Variants in TSPEAR observed in about 807,000 individuals in gnomAD.
TSPEAR encodes thrombospondin type laminin G domain and EAR repeats.
In TSPEAR, 69 loss-of-function variants were observed where a neutral mutation model predicts 71.6. The observed-to-expected ratio is 0.96, with a 90% CI of 0.79 to 1.18. The LOEUF is 1.18. Ranked by LOEUF, TSPEAR falls within the 50% of genes most tolerant of loss-of-function variation. The pLI, the probability that TSPEAR is intolerant of heterozygous loss-of-function variation, is 0.00. For synonymous variants in TSPEAR, 402 were observed against 387.2 expected (o/e 1.04, Z -0.45); for missense variants, 971 against 894.9 (o/e 1.09, Z -1.09).
intron 11 of TSPEAR, among the ~76,000 whole-genome samples, chr21:44,503,024 T>G (rs587714767): frequency 1.6e-5 from 2 of 126,058 alleles, no homozygotes; most frequent in East Asian, 4.9e-4. Context: ...CCGGCCTCGG[T>G]GAGCCCTCGG....
At chr21:44,679,399 G>C (rs1314562317) in intron 1 of TSPEAR, among the ~76,000 whole-genome samples, 3 of 152,152 alleles carry the variant, frequency 2.0e-5, no homozygotes, top group African/African-American at 7.2e-5. Context: ...AATTGAAGAA[G>C]ACACAAACAA....
intron 2 of TSPEAR, among the ~76,000 whole-genome samples, chr21:44,536,344 T>A (rs1259427849): frequency 6.6e-6 from 1 of 152,236 alleles, no homozygotes; most frequent in Non-Finnish European, 1.5e-5. Context: ...ATCTTGCCAT[T>A]AAGTTCTGTC....
chr21:44,589,062 G>A (rs1321167253), intron 1 of TSPEAR, among the ~76,000 whole-genome samples: 2 of 152,092 alleles, frequency 1.3e-5, no homozygotes, highest in African/African-American at 2.4e-5. Flanking sequence ...TATACTGCTC[G>A]AATGATGGGT....
intron 1 of TSPEAR, among the ~76,000 whole-genome samples, chr21:44,669,737 G>A (rs587597111): frequency 2.6e-5 from 4 of 152,284 alleles, no homozygotes; most frequent in African/African-American, 7.2e-5. Flanking sequence ...AGGAGGTGGC[G>A]TGCCTTGTTG....
intron 1 of TSPEAR, chr21:44,575,001 C>T (rs587620759): frequency 2.8e-5 from 45 of 1,606,524 alleles, no homozygotes; most frequent in Admixed American, 1.7e-4. Flanking sequence ...CTGAGGCCTC[C>T]GCTCAGGTCA....
At chr21:44,525,302 G>A (rs1330195947) in intron 8 of TSPEAR, among the ~76,000 whole-genome samples, 1 of 152,060 alleles carries the variant, frequency 6.6e-6, no homozygotes, top group Non-Finnish European at 1.5e-5. Flanking sequence ...CAGTCATCAG[G>A]CAGTCAGTCA....
intron 1 of TSPEAR, among the ~76,000 whole-genome samples, chr21:44,571,275 C>T (rs1033887475): frequency 6.6e-6 from 1 of 152,224 alleles, no homozygotes; most frequent in Admixed American, 6.5e-5. Context: ...ATCTCAAACT[C>T]CTGGCCTTAA....
At chr21:44,595,734 T>G (rs1555927536) in intron 1 of TSPEAR, among the ~76,000 whole-genome samples, 1 of 152,184 alleles carries the variant, frequency 6.6e-6, no homozygotes. Context: ...ATCACCTCAT[T>G]CTATTATGTG....
At chr21:44,641,140 C>A (rs1380426925) in intron 1 of TSPEAR, among the ~76,000 whole-genome samples, 1 of 152,198 alleles carries the variant, frequency 6.6e-6, no homozygotes, top group Non-Finnish European at 1.5e-5. Flanking sequence ...ACAATCTAGA[C>A]CCTCACTTAA....
intron 2 of TSPEAR, chr21:44,539,640 G>C: frequency 6.2e-7 from 1 of 1,613,516 alleles, no homozygotes; most frequent in Non-Finnish European, 8.5e-7. Flanking sequence ...CAGCAAGCTG[G>C]ATGGCAGCTA....
chr21:44,677,705 T>C, intron 1 of TSPEAR: 1 of 1,426,660 alleles, frequency 7.0e-7, no homozygotes, highest in Non-Finnish European at 9.9e-7. Context: ...GTTTTTGGAG[T>C]TGTGAGGCAG....
intron 1 of TSPEAR, among the ~76,000 whole-genome samples, chr21:44,709,574 C>G (rs1157146447): frequency 6.6e-6 from 1 of 152,270 alleles, no homozygotes; most frequent in African/African-American, 2.4e-5. Flanking sequence ...ACCCGAACCC[C>G]CAGCCTCGCG....
At chr21:44,555,593 A>G (rs1376071112) in intron 2 of TSPEAR, among the ~76,000 whole-genome samples, 1 of 152,212 alleles carries the variant, frequency 6.6e-6, no homozygotes, top group Non-Finnish European at 1.5e-5. Context: ...GAAGGGCACC[A>G]GGATCTGGGA....
intron 1 of TSPEAR, among the ~76,000 whole-genome samples, chr21:44,661,234 C>T (rs368066237): frequency 7.1e-6 from 1 of 141,536 alleles, no homozygotes; most frequent in African/African-American, 2.7e-5. Flanking sequence ...GAGCCGAGAT[C>T]GCGCCACTGC....
chr21:44,693,554 G>C (rs147035126), intron 1 of TSPEAR, among the ~76,000 whole-genome samples: 332 of 152,180 alleles, frequency 2.2e-3, no homozygotes, highest in Middle Eastern at 6.8e-3. Context: ...TGGCCAATAA[G>C]TACATGAAAA....
intron 4 of TSPEAR, among the ~76,000 whole-genome samples, 159 bp downstream of exon 4, chr21:44,530,884 C>T (rs1405323110): frequency 6.6e-6 from 1 of 152,230 alleles, no homozygotes; most frequent in Admixed American, 6.5e-5. Flanking sequence ...GAGGAAACAG[C>T]AAGCGTGAAG....
Position 44,638,539 on chromosome 21 carries a change from C to T in TSPEAR, c.83-70534G>A, listed in dbSNP as rs931496263. 1.7e-5 allele frequency: 5 copies of T among 289,462 alleles called. No homozygotes were observed. In the South Asian group the frequency reaches 2.6e-4, roughly 15 times the overall value. The allele number at this position is 289,462 out of a possible 1,614,324, so 17.9% of individuals were successfully genotyped here. A position where few individuals can be genotyped will look rare whatever the true frequency, so the allele number is the denominator to read the frequency against. On this transcript the variant is annotated intron_variant, in intron 1 of 11. Transcript: ENST00000323084. ...CCCCTGACTGCAGGGAGAGTCCTGA[C>T]CCCCAGCAGGCCTGGCTCCACCCCT... is the stretch of plus-strand genomic sequence containing the variant.
chr21:44,640,502 T>G (rs368074474), intron 1 of TSPEAR, among the ~76,000 whole-genome samples: 1 of 152,170 alleles, frequency 6.6e-6, no homozygotes. Flanking sequence ...AACCAGTGGA[T>G]TGTGCACTTA....
chr21:44,524,487 G>A (rs927810271), intron 8 of TSPEAR, among the ~76,000 whole-genome samples: 1 of 150,512 alleles, frequency 6.6e-6, no homozygotes, highest in Non-Finnish European at 1.5e-5. Context: ...AGTCAGTCAG[G>A]TAGTTAGTCA....
Sources: gnomAD v4.1 joint callset for allele counts (sites outside exome capture counted in the v4.1 genomes callset) on GRCh38, gnomAD v4.1.1 for gene constraint, MANE v1.5 for transcripts, NCBI Gene and HGNC (gene_info 2026-07-23, HGNC 2026-07-21) for gene names.